Variants in GSTM5 observed in about 807,000 individuals in gnomAD.
The protein encoded by GSTM5 is GST class-mu 5.
A neutral mutation model predicts 29.0 loss-of-function variants in GSTM5; 24 were observed. That is an observed-to-expected ratio of 0.83 (90% CI 0.60 to 1.16). The LOEUF (loss-of-function observed/expected upper bound fraction) is 1.16, where lower values mean the gene tolerates loss of function less well. Ranked by LOEUF, GSTM5 falls within the 50% of genes most tolerant of loss-of-function variation. The probability of loss-of-function intolerance (pLI) is 0.00; values close to 1 mark genes in which losing one functional copy is unlikely to be tolerated. For missense variants in GSTM5, 290 were observed against 263.0 expected (o/e 1.10, Z -0.71); for synonymous variants, 91 against 93.6 (o/e 0.97, Z 0.16).
At chr1:109,715,403 T>A in intron 7 of GSTM5, 163 bp downstream of exon 7, 1 of 1,558,750 alleles carries the variant, frequency 6.4e-7, no homozygotes. Context: ...GTGTAGAATT[T>A]GAAATTTCCA....
upstream of GSTM5, chr1:109,712,223 G>A (rs1420095113): frequency 3.6e-6 from 5 of 1,406,424 alleles, no homozygotes; most frequent in East Asian, 6.9e-5. Flanking sequence ...CGGGGTCGCA[G>A]CAAGGCCCCG....
upstream of GSTM5, chr1:109,712,241 C>G: frequency 6.5e-7 from 1 of 1,532,036 alleles, no homozygotes; most frequent in Non-Finnish European, 9.0e-7. Flanking sequence ...CCGCCTGTCC[C>G]CTCCTGGGCC....
chr1:109,715,314 G>A (rs747394710), intron 7 of GSTM5, 74 bp downstream of exon 7: 7 of 1,613,898 alleles, frequency 4.3e-6, no homozygotes. Context: ...TCCCAGTCCT[G>A]GAGCTACACA....
At chr1:109,712,779 G>C (rs1250586041) in intron 2 of GSTM5, 86 bp downstream of exon 2, 2 of 1,445,180 alleles carry the variant, frequency 1.4e-6, no homozygotes, top group African/African-American at 2.8e-5. Flanking sequence ...GGCTGCCTCT[G>C]CAGGCCTCCC....
chr1:109,712,261 C>G lies in GSTM5; in HGVS notation c.-52C>G, dbSNP rs372194104. The G allele has an allele frequency of 1.2e-4, 194 of 1,607,596 alleles. No homozygotes were observed. Among genetic ancestry groups the G allele is most frequent in the Non-Finnish European group, 1.6e-4 (189 of 1,174,190 alleles). On this transcript the variant is annotated 5_prime_UTR_variant, in exon 1 of 8. Transcript: ENST00000256593. Reference sequence around the variant, plus strand: ...TGTCCCCTCCTGGGCCTCTCAAAGTCTGAGCCCCGCTCCGCTGATGCCTGT... The same window carrying G: ...TGTCCCCTCCTGGGCCTCTCAAAGTGTGAGCCCCGCTCCGCTGATGCCTGT...
intron 7 of GSTM5, chr1:109,717,129 A>AC: frequency 5.9e-6 from 2 of 336,442 alleles, no homozygotes; most frequent in South Asian, 1.2e-4. Context: ...CGTAAATGGT[A>AC]GCTGTTATTA....
rs961555525 is a variant in GSTM5, at chr1:109,716,115, C to T, written c.567+875C>T. The T allele has an allele frequency of 2.7e-5, 9 of 336,884 alleles. No individual in the cohort carries two copies. In the East Asian group the frequency reaches 4.6e-4, roughly 17 times the overall value. 20.9% of individuals were successfully genotyped at this position (336,884 alleles called of 1,614,324 possible). A position where few individuals can be genotyped will look rare whatever the true frequency, so the allele number is the denominator to read the frequency against. ...GGTGTGTGTGGCACCACCTGGGTAC[C>T]GGGCCTGGGGCCTGCCCCTCACTCA... is the stretch of plus-strand genomic sequence containing the variant. On this transcript the variant is annotated intron_variant, in intron 7 of 7. Coordinates refer to ENST00000256593, the MANE Select transcript of GSTM5 (RefSeq NM_000851.4).
chr1:109,712,255 C>T lies in GSTM5; in HGVS notation c.-58C>T. ...CCCGCCTGTCCCCTCCTGGGCCTCT[C>T]AAAGTCTGAGCCCCGCTCCGCTGAT... is the stretch of plus-strand genomic sequence containing the variant. On this transcript the variant is annotated 5_prime_UTR_variant, in exon 1 of 8. Transcript: ENST00000256593. 2 of 1,600,030 alleles carry T rather than the reference C, an allele frequency of 1.2e-6. No individual in the cohort carries two copies. Among genetic ancestry groups the T allele is most frequent in the Admixed American group, 3.3e-5 (2 of 59,978 alleles).
rs1490079800 is a variant in GSTM5, at chr1:109,714,898, G to A, written c.361-49G>A. 3.1e-6 allele frequency: 5 copies of A among 1,597,014 alleles called. No individual in the cohort carries two copies. The East Asian group carries it at 8.9e-5, about 29-fold the overall frequency. On this transcript the variant is annotated intron_variant, in intron 5 of 7. Coordinates refer to ENST00000256593, the MANE Select transcript of GSTM5 (RefSeq NM_000851.4). ...CTACAGCCCTGGGGAGGCCACGTCT[G>A]TGCAGGGAGCTTTTGTCTGAGGGTG... is the stretch of plus-strand genomic sequence containing the variant.
chr1:109,713,458 G>A lies in GSTM5; in HGVS notation c.178-26G>A, dbSNP rs539833976. On this transcript the variant is annotated intron_variant, in intron 3 of 7. Transcript: ENST00000256593. ...CTGGGGAGCCTGGTGGCCCAACTGA[G>A]CTTCCCCGGTTTCCCATCTATCCAG... 8.1e-6 allele frequency: 13 copies of A among 1,614,208 alleles called. No homozygotes were observed. In the African/African-American group the frequency reaches 1.6e-4, roughly 20 times the overall value.
intron 7 of GSTM5, 101 bp from the exon 8 acceptor site, chr1:109,717,236 A>G (rs1439277235): frequency 1.5e-5 from 12 of 824,210 alleles, no homozygotes; most frequent in East Asian, 4.9e-5. Flanking sequence ...GCCCACATGG[A>G]AAGGCTGTGG....
Position 109,714,947 on chromosome 1 carries a change from G to A in GSTM5, c.361G>A (p.Glu121Lys). Residue 121 changes from glutamate to lysine, a missense_variant and splice_region_variant, in exon 6 of 8, where the codon GAG becomes AAG. Glu to Lys is a moderately conservative substitution (Grantham distance 56). Transcript: ENST00000256593. ...TGGTGACAGCTGTTTTCTGCCTCAG[G>A]AGAAACTGAAGCCAAAATACTTGGA... ...LVRLCYDPDF[E>K]KLKPKYLEEL... 6.2e-7 allele frequency: 1 copy of A among 1,614,250 alleles called. No individual in the cohort carries two copies.
rs1262934648 is a variant in GSTM5, at chr1:109,717,414, G to T, written c.645G>T (p.Trp215Cys). The T allele has an allele frequency of 6.2e-7, 1 of 1,613,390 alleles. No individual in the cohort carries two copies. Among genetic ancestry groups the T allele is most frequent in the Admixed American group, 1.7e-5 (1 of 60,010 alleles). Residue 215 changes from tryptophan (W) to cysteine (C), a missense_variant, in exon 8 of 8, where the codon TGG (tryptophan) becomes TGT (cysteine). Transcript: ENST00000256593. ...TTTTGTTTGGAAAGTCAGCTACATGGAACAGCAAATAGGGCCCAGTGATGC... is the reference window on the plus strand; with the variant it reads ...TTTTGTTTGGAAAGTCAGCTACATGTAACAGCAAATAGGGCCCAGTGATGC... ...RGLLFGKSAT[W>C]NSK
intron 5 of GSTM5, 183 bp from the exon 6 acceptor site, chr1:109,714,764 C>A: frequency 1.6e-6 from 1 of 644,870 alleles, no homozygotes; most frequent in Non-Finnish European, 2.8e-6. Flanking sequence ...TAGGGTCTGG[C>A]ACCCAGTCAG....
chr1:109,717,840 C>T lies in GSTM5; in HGVS notation c.*414C>T, dbSNP rs1427500337. ...ATGCCCAGTAAAGCCTGAACCATGC[C>T]TGCCATGTCTTGTCTTATTCCCTGA... On this transcript the variant is annotated 3_prime_UTR_variant, in exon 8 of 8. Coordinates refer to ENST00000256593, the MANE Select transcript of GSTM5 (RefSeq NM_000851.4). 10 of 170,504 alleles carry T rather than the reference C, an allele frequency of 5.9e-5. No homozygotes were observed. The highest frequency in any genetic ancestry group is 2.2e-4 in the African/African-American group (9 of 41,812). 10.6% of individuals were successfully genotyped at this position (170,504 alleles called of 1,614,324 possible). A position where few individuals can be genotyped will look rare whatever the true frequency, so the allele number is the denominator to read the frequency against.
At chr1:109,717,231 C>T in intron 7 of GSTM5, 106 bp from the exon 8 acceptor site, 1 of 788,034 alleles carries the variant, frequency 1.3e-6, no homozygotes, top group Non-Finnish European at 2.2e-6. Flanking sequence ...CTTGAGCCCA[C>T]ATGGAAAGGC....
chr1:109,717,111 A>C, intron 7 of GSTM5: 1 of 452,912 alleles, frequency 2.2e-6, no homozygotes, highest in East Asian at 4.1e-5. Context: ...AGCACAGTGT[A>C]GATCTTTCGT....
upstream of GSTM5, chr1:109,712,127 G>C (rs1259484880): frequency 1.5e-6 from 1 of 668,700 alleles, no homozygotes. Flanking sequence ...ACTGGGAGGC[G>C]GGAGGGGGCT....
At chr1:109,712,127 G>T, upstream of GSTM5, 1 of 668,700 alleles carries the variant, frequency 1.5e-6, no homozygotes, top group South Asian at 1.6e-5. Flanking sequence ...ACTGGGAGGC[G>T]GGAGGGGGCT....
Sources: gnomAD v4.1 joint callset for allele counts on GRCh38, gnomAD v4.1.1 for gene constraint, MANE v1.5 for transcripts, NCBI Gene and HGNC (gene_info 2026-07-23, HGNC 2026-07-21) for gene names.